The following GSK3B variants were observed in gnomAD, a reference collection of about 807,000 sequenced individuals.
The protein encoded by GSK3B is glycogen synthase kinase 3 beta.
Under a neutral mutation model 56.4 loss-of-function variants are expected in GSK3B, and 15 were observed. The observed-to-expected ratio is 0.27, with a 90% CI of 0.18 to 0.41. The LOEUF (loss-of-function observed/expected upper bound fraction) is 0.41. Ranked by LOEUF, GSK3B falls within the 10% of genes least tolerant of loss-of-function variation. The pLI, the probability that GSK3B is intolerant of heterozygous loss-of-function variation, is 1.00. For missense variants in GSK3B, 300 were observed against 513.4 expected, an observed-to-expected ratio of 0.58 and a Z score of 4.02; for synonymous variants, 181 against 188.9, an observed-to-expected ratio of 0.96 and a Z score of 0.34.
intron 9 of GSK3B, among the ~76,000 whole-genome samples, chr3:119,851,519 A>C (rs1266839514): frequency 6.6e-6 from 1 of 152,206 alleles, no homozygotes; most frequent in Non-Finnish European, 1.5e-5. Flanking sequence ...GTGAAAGATG[A>C]GGACAAATTT....
chr3:120,080,491 TCAAA>T (rs1055266588), intron 1 of GSK3B, among the ~76,000 whole-genome samples: 1 of 152,048 alleles, frequency 6.6e-6, no homozygotes, highest in Non-Finnish European at 1.5e-5. Flanking sequence ...TACTAACATA[TCAAA>T]CAAACAAACA....
intron 4 of GSK3B, among the ~76,000 whole-genome samples, chr3:119,920,160 G>A (rs113278535): frequency 0.027 from 4,176 of 152,158 alleles, 183 homozygotes; most frequent in African/African-American, 0.092. Context: ...AATTTTATTT[G>A]AAAATTTAGA....
At chr3:119,958,525 T>TA (rs2057238208) in intron 2 of GSK3B, among the ~76,000 whole-genome samples, 1 of 151,600 alleles carries the variant, frequency 6.6e-6, no homozygotes, top group Admixed American at 6.6e-5. Context: ...AAAATAAAAA[T>TA]AAATTAGCTG....
intron 1 of GSK3B, among the ~76,000 whole-genome samples, chr3:120,091,635 C>T (rs2058513383): frequency 6.6e-6 from 1 of 152,090 alleles, no homozygotes; most frequent in Non-Finnish European, 1.5e-5. Context: ...ACAAACACTC[C>T]AGTACCACAA....
chr3:119,868,027 C>T (rs544102922), intron 8 of GSK3B, among the ~76,000 whole-genome samples: 128 of 151,652 alleles, frequency 8.4e-4, no homozygotes, highest in Non-Finnish European at 1.4e-3. Context: ...AGCAAGGCCA[C>T]AGAGATCCCA....
intron 1 of GSK3B, among the ~76,000 whole-genome samples, chr3:120,089,311 A>T (rs1430668907): frequency 6.6e-6 from 1 of 152,214 alleles, no homozygotes; most frequent in Non-Finnish European, 1.5e-5. Context: ...AAATATCTTA[A>T]ACGTTTTAAC....
In GSK3B at chr3:119,824,777, CT is replaced by C; in HGVS notation, c.*2010del. 1 of 187,200 alleles carries C rather than the reference CT, an allele frequency of 5.3e-6. No homozygotes were observed. The highest frequency in any genetic ancestry group is 8.5e-5 in the East Asian group (1 of 11,726). 11.6% of individuals were successfully genotyped at this position (187,200 alleles called of 1,614,324 possible). ...ATATATCCAGAGGTTTGTGAAACCCCTTTTGTGGCCCAAGACCTCAGCTAAA... is the reference window on the plus strand; with the variant it reads ...ATATATCCAGAGGTTTGTGAAACCCCTTTGTGGCCCAAGACCTCAGCTAAA... On this transcript the variant is annotated 3_prime_UTR_variant, in exon 11 of 11. Coordinates refer to ENST00000264235, the MANE Select transcript of GSK3B (RefSeq NM_001146156.2).
intron 8 of GSK3B, among the ~76,000 whole-genome samples, chr3:119,864,002 T>G (rs775008671): frequency 6.6e-6 from 1 of 152,224 alleles, no homozygotes; most frequent in South Asian, 2.1e-4. Flanking sequence ...CGAACAATTG[T>G]TAATGATGAG....
At chr3:120,093,213 T>A (rs1236352534) in intron 1 of GSK3B, 134 bp downstream of exon 1, 1 of 614,030 alleles carries the variant, frequency 1.6e-6, no homozygotes, top group Non-Finnish European at 3.0e-6. Context: ...GCTTCATCCT[T>A]GACTGAAGAT....
chr3:119,996,094 T>C (rs1472818463), intron 2 of GSK3B, among the ~76,000 whole-genome samples: 1 of 152,256 alleles, frequency 6.6e-6, no homozygotes, highest in Non-Finnish European at 1.5e-5. Context: ...TTTATGTATA[T>C]GAAACTAATT....
chr3:119,888,022 T>TA (rs1304231197), intron 7 of GSK3B, among the ~76,000 whole-genome samples: 1 of 152,024 alleles, frequency 6.6e-6, no homozygotes, highest in African/African-American at 2.4e-5. Flanking sequence ...TCCTTCAAAA[T>TA]ACATTTTTAG....
At chr3:119,943,085 CT>C (rs1458070650) in intron 3 of GSK3B, among the ~76,000 whole-genome samples, 2 of 152,168 alleles carry the variant, frequency 1.3e-5, no homozygotes, top group Admixed American at 1.3e-4. Context: ...CCCCTTTCCC[CT>C]GTTACAGGAT....
intron 1 of GSK3B, among the ~76,000 whole-genome samples, chr3:120,092,596 C>A (rs1265200729): frequency 6.6e-6 from 1 of 152,198 alleles, no homozygotes; most frequent in Non-Finnish European, 1.5e-5. Context: ...TCCAAGTTAA[C>A]TTTTGATTAA....
At chr3:119,941,958 C>G (rs956091908) in intron 3 of GSK3B, among the ~76,000 whole-genome samples, 1 of 152,214 alleles carries the variant, frequency 6.6e-6, no homozygotes, top group East Asian at 1.9e-4. Context: ...ACCCTTTCCT[C>G]TCCAGAGCTA....
chr3:119,937,562 C>T (rs531462066), intron 3 of GSK3B, among the ~76,000 whole-genome samples: 1 of 152,084 alleles, frequency 6.6e-6, no homozygotes, highest in East Asian at 1.9e-4. Context: ...AGATAATACT[C>T]TTAAACAAGA....
At chr3:119,941,435 T>C (rs1027379660) in intron 3 of GSK3B, among the ~76,000 whole-genome samples, 12 of 152,224 alleles carry the variant, frequency 7.9e-5, no homozygotes, top group Non-Finnish European at 1.3e-4. Flanking sequence ...CTAAACACTA[T>C]AGCATACTAT....
At chr3:120,037,445 G>A (rs920838394) in intron 1 of GSK3B, among the ~76,000 whole-genome samples, 10 of 152,168 alleles carry the variant, frequency 6.6e-5, no homozygotes, top group Middle Eastern at 3.4e-3. Flanking sequence ...ACATTATCCC[G>A]AAGAACTTGT....
At chr3:120,011,179 C>T (rs540991183) in intron 1 of GSK3B, among the ~76,000 whole-genome samples, 1 of 152,190 alleles carries the variant, frequency 6.6e-6, no homozygotes, top group Non-Finnish European at 1.5e-5. Context: ...TACTGCATAA[C>T]CATATTTCAA....
At chr3:119,851,106 T>C (rs553680851) in intron 9 of GSK3B, among the ~76,000 whole-genome samples, 1 of 152,336 alleles carries the variant, frequency 6.6e-6, no homozygotes, top group Admixed American at 6.5e-5. Flanking sequence ...TACAAATGTT[T>C]TGATGGTGCA....
Sources: allele counts gnomAD v4.1 joint callset (sites outside exome capture counted in the v4.1 genomes callset), GRCh38; gene constraint gnomAD v4.1.1; transcripts MANE v1.5; gene names NCBI Gene and HGNC (gene_info 2026-07-23, HGNC 2026-07-21).